The following ZNF730 variants were observed in gnomAD, a reference collection of about 807,000 sequenced individuals.
ZNF730 encodes putative zinc finger protein 730.
In ZNF730, 12 loss-of-function variants were observed where a neutral mutation model predicts 12.6. The ratio of observed to expected loss-of-function variants is 0.95; its 90% CI spans 0.61 to 1.54. The LOEUF is 1.54. ZNF730 is among the 40% of genes most tolerant of loss of function. ZNF730 has a pLI of 0.00. For missense variants in ZNF730, 643 were observed against 583.5 expected (o/e 1.10, Z -1.05); for synonymous variants, 194 against 195.8 (o/e 0.99, Z 0.08).
intron 1 of ZNF730, among the ~76,000 whole-genome samples, chr19:23,120,197 G>T (rs946590915): frequency 1.3e-5 from 2 of 151,928 alleles, no homozygotes; most frequent in African/African-American, 4.8e-5. Context: ...ATTTCACCAT[G>T]TTGGCCAGGC....
At chr19:23,130,357 C>T (rs977033312) in intron 1 of ZNF730, among the ~76,000 whole-genome samples, 4 of 152,144 alleles carry the variant, frequency 2.6e-5, no homozygotes, top group African/African-American at 4.8e-5. Flanking sequence ...TCCTCAGCCA[C>T]GTAGAACTGT....
At chr19:23,090,480 T>C (rs1970139165) in intron 1 of ZNF730, among the ~76,000 whole-genome samples, 1 of 152,112 alleles carries the variant, frequency 6.6e-6, no homozygotes, top group South Asian at 2.1e-4. Context: ...CACTCTGTTT[T>C]AAAAGGGAAA....
At chr19:23,113,190 G>A (rs1359552996), upstream of ZNF730, among the ~76,000 whole-genome samples, 1 of 152,128 alleles carries the variant, frequency 6.6e-6, no homozygotes, top group Non-Finnish European at 1.5e-5. Context: ...TAATGAACAG[G>A]CTGTTTGGTT....
At chr19:23,106,221 G>C (rs925450635) in intron 1 of ZNF730, among the ~76,000 whole-genome samples, 2 of 151,448 alleles carry the variant, frequency 1.3e-5, no homozygotes, top group Non-Finnish European at 2.9e-5. Context: ...AAAAAGAGGA[G>C]GAGGAAGGAA....
intron 1 of ZNF730, among the ~76,000 whole-genome samples, chr19:23,117,586 C>A (rs1273786338): frequency 6.6e-6 from 1 of 151,986 alleles, no homozygotes; most frequent in Non-Finnish European, 1.5e-5. Context: ...GGAGTCATCA[C>A]CAAAATATTA....
chr19:23,108,225 C>G (rs1970417580), intron 1 of ZNF730, among the ~76,000 whole-genome samples: 1 of 152,150 alleles, frequency 6.6e-6, no homozygotes, highest in Non-Finnish European at 1.5e-5. Context: ...CTGTCATCAC[C>G]TATACAGATT....
intron 1 of ZNF730, chr19:23,095,199 T>C: frequency 2.5e-6 from 1 of 393,420 alleles, no homozygotes; most frequent in Non-Finnish European, 4.5e-6. Context: ...ACAGAGGACA[T>C]AGTGACATAT....
chr19:23,088,959 A>T (rs1599569877), intron 1 of ZNF730, among the ~76,000 whole-genome samples: 1 of 148,272 alleles, frequency 6.7e-6, no homozygotes, highest in South Asian at 2.2e-4. Flanking sequence ...CACAACCTCC[A>T]CCTCCCGGGT....
Position 23,146,525 on chromosome 19 carries a change from A to T in ZNF730, c.1481A>T (p.His494Leu). Residue 494 changes from histidine (H) to leucine (L), a missense_variant, in exon 4 of 4, where the codon CAC (histidine) becomes CTC (leucine). His to Leu is a moderately conservative substitution (Grantham distance 99). Coordinates refer to ENST00000597761, the MANE Select transcript of ZNF730 (RefSeq NM_001277403.2). The part of the protein sequence containing the change: ...ECGKAFRRFS[H>L]LTRHKTIHT ...GGTAAAGCCTTTAGGCGGTTCTCAC[A>T]CCTTACTAGGCATAAGACAATTCAT... 1 of 1,583,990 alleles carries T rather than the reference A, an allele frequency of 6.3e-7. No individual in the cohort carries two copies. Among genetic ancestry groups the T allele is most frequent in the Non-Finnish European group, 8.6e-7 (1 of 1,167,736 alleles).
At chr19:23,091,196 G>A (rs1212375461) in intron 1 of ZNF730, among the ~76,000 whole-genome samples, 1 of 152,132 alleles carries the variant, frequency 6.6e-6, no homozygotes, top group Non-Finnish European at 1.5e-5. Context: ...GTGGTGTTGA[G>A]GCTGTGGGTG....
At position 23,128,156 on chromosome 19, in the gene ZNF730, T is replaced by C. The variant is rs1599593701; in HGVS notation, c.4-5924T>C. The C allele has an allele frequency of 5.6e-6, 5 of 889,570 alleles. No individual in the cohort carries two copies. The East Asian group carries it at 1.2e-4, about 22-fold the overall frequency. The allele number at this position is 889,570 out of a possible 1,614,324, so 55.1% of individuals were successfully genotyped here. Reference sequence around the variant, plus strand: ...ACTGGCAATAAAGTTTTTGGTTCCCTGAAGAGAGCAGTAGATGGAGGCTTG... The same window carrying C: ...ACTGGCAATAAAGTTTTTGGTTCCCCGAAGAGAGCAGTAGATGGAGGCTTG... On this transcript the variant is annotated intron_variant, in intron 1 of 3. Transcript: ENST00000597761.
At chr19:23,080,737 T>C (rs924297947) in intron 1 of ZNF730, among the ~76,000 whole-genome samples, 29 of 152,046 alleles carry the variant, frequency 1.9e-4, no homozygotes, top group African/African-American at 6.0e-4. Context: ...GCCAAACCCA[T>C]TGTCATGAAG....
intron 1 of ZNF730, among the ~76,000 whole-genome samples, chr19:23,132,340 T>C (rs1435489278): frequency 6.6e-6 from 1 of 152,158 alleles, no homozygotes; most frequent in African/African-American, 2.4e-5. Flanking sequence ...AAACATGCCT[T>C]GGAGTAAGGG....
chr19:23,090,995 C>T (rs1188220724), intron 1 of ZNF730, among the ~76,000 whole-genome samples: 4 of 148,868 alleles, frequency 2.7e-5, no homozygotes, highest in Non-Finnish European at 5.9e-5. Context: ...AGCAAGACTT[C>T]GTCTCAAAAA....
chr19:23,139,961 C>T (rs8112268), intron 3 of ZNF730, among the ~76,000 whole-genome samples: 87 of 151,964 alleles, frequency 5.7e-4, no homozygotes, highest in African/African-American at 1.9e-3. Context: ...ATTGTGTTTG[C>T]TGGTTTTACA....
chr19:23,113,766 A>T (rs577825267), upstream of ZNF730, among the ~76,000 whole-genome samples: 2 of 152,258 alleles, frequency 1.3e-5, no homozygotes, highest in South Asian at 4.1e-4. Flanking sequence ...ACTTTACAAA[A>T]CCCATAGTTC....
chr19:23,114,300 C>CTTTCT (rs1555714251), upstream of ZNF730, among the ~76,000 whole-genome samples: 2 of 119,540 alleles, frequency 1.7e-5, no homozygotes, highest in Non-Finnish European at 3.3e-5. Context: ...TTTTCTTTTT[C>CTTTCT]TTTTCTTTTT....
At chr19:23,127,077 G>A (rs1970680384) in intron 1 of ZNF730, 4 of 518,354 alleles carry the variant, frequency 7.7e-6, no homozygotes, top group Non-Finnish European at 1.1e-5. Context: ...ATAATCTGCA[G>A]CACTTTTGTG....
At chr19:23,081,214 G>C (rs539873094) in intron 1 of ZNF730, among the ~76,000 whole-genome samples, 1 of 150,186 alleles carries the variant, frequency 6.7e-6, no homozygotes, top group Non-Finnish European at 1.5e-5. Context: ...GTGTGATCTC[G>C]GCTTGCTGCA....
Sources: allele counts gnomAD v4.1 joint callset (sites outside exome capture counted in the v4.1 genomes callset), GRCh38; gene constraint gnomAD v4.1.1; transcripts MANE v1.5; gene names NCBI Gene and HGNC (gene_info 2026-07-23, HGNC 2026-07-21).